The following CABLES1 variants were observed in gnomAD, a reference collection of about 807,000 sequenced individuals.
The protein encoded by CABLES1 is CDK5 and ABL1 enzyme substrate 1.
Under a neutral mutation model 57.8 loss-of-function variants are expected in CABLES1, and 36 were observed. The ratio of observed to expected loss-of-function variants is 0.62; its 90% CI spans 0.48 to 0.82. The LOEUF (loss-of-function observed/expected upper bound fraction) is 0.82. Among genes scored for constraint, CABLES1 ranks in the 40% least tolerant of loss-of-function variants. The pLI, the probability that CABLES1 is intolerant of heterozygous loss-of-function variation, is 0.00. For missense variants in CABLES1, 767 were observed against 836.6 expected, an observed-to-expected ratio of 0.92 and a Z score of 1.03; for synonymous variants, 374 against 363.0, an observed-to-expected ratio of 1.03 and a Z score of -0.35.
intron 7 of CABLES1, among the ~76,000 whole-genome samples, chr18:23,246,666 T>C (rs183262258): frequency 0.038 from 5,718 of 151,714 alleles, 154 homozygotes; most frequent in Non-Finnish European, 0.041. Context: ...GCTGGGATTA[T>C]ATGCTTGAGC....
chr18:23,181,642 G>A (rs1160977787), intron 1 of CABLES1, among the ~76,000 whole-genome samples: 2 of 151,066 alleles, frequency 1.3e-5, no homozygotes, highest in Non-Finnish European at 2.9e-5. Flanking sequence ...ATTTGTTCCT[G>A]TATTCAGCCA....
chr18:23,242,619 A>G (rs1030390049), intron 7 of CABLES1, among the ~76,000 whole-genome samples: 1 of 152,222 alleles, frequency 6.6e-6, no homozygotes, highest in Admixed American at 6.5e-5. Flanking sequence ...TAATGCCAAC[A>G]AAATTCAGTT....
chr18:23,171,273 C>T (rs1274459651), intron 1 of CABLES1, among the ~76,000 whole-genome samples: 1 of 152,240 alleles, frequency 6.6e-6, no homozygotes, highest in Non-Finnish European at 1.5e-5. Flanking sequence ...CTTAGTGTGT[C>T]TCCTCACCGG....
Position 23,243,219 on chromosome 18 carries a change from G to A in CABLES1, c.1446+5974G>A, listed in dbSNP as rs1299746935. Among the ~76,000 whole-genome samples the A allele has an allele frequency of 2.0e-5, 3 of 152,160 alleles. No individual in the cohort carries two copies. In the East Asian group the frequency reaches 5.8e-4, roughly 29 times the overall value. ...CATGGCCTCAGGTTTCAAGGTGCCTGAGGCTTATTCAGTTCTGAGGAGGGG... is the reference window on the plus strand; with the variant it reads ...CATGGCCTCAGGTTTCAAGGTGCCTAAGGCTTATTCAGTTCTGAGGAGGGG... On this transcript the variant is annotated intron_variant, in intron 7 of 9. Coordinates refer to ENST00000256925, the MANE Select transcript of CABLES1 (RefSeq NM_001100619.3).
At chr18:23,217,937 A>T (rs1416589993) in intron 4 of CABLES1, among the ~76,000 whole-genome samples, 1 of 152,212 alleles carries the variant, frequency 6.6e-6, no homozygotes, top group African/African-American at 2.4e-5. Flanking sequence ...GCAACACCGG[A>T]ATTTGGGACC....
intron 1 of CABLES1, among the ~76,000 whole-genome samples, chr18:23,139,911 G>A (rs186898700): frequency 3.3e-5 from 5 of 152,234 alleles, no homozygotes; most frequent in Admixed American, 6.5e-5. Flanking sequence ...CTGTCCCGTC[G>A]TACTGGTATA....
chr18:23,139,118 G>A (rs939154366), intron 1 of CABLES1, among the ~76,000 whole-genome samples: 1 of 152,004 alleles, frequency 6.6e-6, no homozygotes, highest in Non-Finnish European at 1.5e-5. Flanking sequence ...AGAATGTCGG[G>A]CCGGGTGTGG....
intron 1 of CABLES1, among the ~76,000 whole-genome samples, chr18:23,152,519 C>G (rs1295111823): frequency 7.4e-6 from 1 of 135,568 alleles, no homozygotes; most frequent in Admixed American, 7.9e-5. Flanking sequence ...CGGTCTCACT[C>G]TATTTCCCAG....
chr18:23,218,106 A>T (rs1421968418), intron 4 of CABLES1, among the ~76,000 whole-genome samples: 2 of 152,172 alleles, frequency 1.3e-5, no homozygotes, highest in African/African-American at 4.8e-5. Context: ...CAACTTCATC[A>T]CAAGAAAGTT....
At chr18:23,203,533 A>C (rs2047341264) in intron 3 of CABLES1, among the ~76,000 whole-genome samples, 1 of 152,158 alleles carries the variant, frequency 6.6e-6, no homozygotes, top group Non-Finnish European at 1.5e-5. Context: ...AAGATGGTAA[A>C]AGTACAGTGA....
intron 1 of CABLES1, among the ~76,000 whole-genome samples, chr18:23,148,775 T>C (rs541581581): frequency 6.6e-6 from 1 of 152,314 alleles, no homozygotes; most frequent in South Asian, 2.1e-4. Context: ...GGATGCTTGG[T>C]TTAAGACGGT....
chr18:23,196,820 G>A (rs572497392), intron 3 of CABLES1: 1 of 150,192 alleles, frequency 6.7e-6, no homozygotes, highest in South Asian at 2.1e-4. Context: ...CGCAGCCTCA[G>A]TCACATCTGT....
intron 6 of CABLES1, 80 bp from the exon 7 acceptor site, chr18:23,237,062 T>G: frequency 2.3e-6 from 2 of 852,244 alleles, no homozygotes; most frequent in South Asian, 2.7e-5. Context: ...CCAGCTATAC[T>G]TGGCATTCTC....
rs905952919 is a variant in CABLES1, at chr18:23,226,294, C to T, written c.1089-8314C>T. Among the ~76,000 whole-genome samples, 13 of 151,794 alleles carry T rather than the reference C, an allele frequency of 8.6e-5. 1 individual carries two copies. Among genetic ancestry groups the T allele is most frequent in the South Asian group, 8.3e-4 (4 of 4,804 alleles). ...GCATGTGCCCGTAGTCCCAGCTACT[C>T]GGGAGGCTGAGGCAGGAGAATTGCT... On this transcript the variant is annotated intron_variant, in intron 4 of 9. Transcript: ENST00000256925.
intron 1 of CABLES1, among the ~76,000 whole-genome samples, chr18:23,187,132 G>A (rs930277627): frequency 2.6e-5 from 4 of 152,206 alleles, no homozygotes; most frequent in Non-Finnish European, 4.4e-5. Flanking sequence ...TCCTCAGCTC[G>A]CCTCTGCACT....
At chr18:23,142,086 C>T (rs554337452) in intron 1 of CABLES1, among the ~76,000 whole-genome samples, 8 of 152,218 alleles carry the variant, frequency 5.3e-5, no homozygotes, top group East Asian at 3.9e-4. Flanking sequence ...CACCATTCCA[C>T]GTGTCTCGGT....
At chr18:23,170,402 C>T (rs1389281428) in intron 1 of CABLES1, among the ~76,000 whole-genome samples, 1 of 152,212 alleles carries the variant, frequency 6.6e-6, no homozygotes, top group Non-Finnish European at 1.5e-5. Context: ...CCATCCACAC[C>T]TGCCCTCTGG....
chr18:23,178,261 C>G (rs549075531), intron 1 of CABLES1, among the ~76,000 whole-genome samples: 2 of 152,242 alleles, frequency 1.3e-5, no homozygotes, highest in Admixed American at 6.5e-5. Context: ...CTGGTTCTAC[C>G]CTTCTGCGTA....
At position 23,236,792 on chromosome 18, in the gene CABLES1, A is replaced by G. The variant is rs16977743; in HGVS notation, c.1343-350A>G. Among the ~76,000 whole-genome samples, 784 of 152,320 alleles carry G rather than the reference A, an allele frequency of 5.1e-3. 10 individuals carry two copies. Among genetic ancestry groups the G allele is most frequent in the African/African-American group, 0.018 (732 of 41,566 alleles). ...CAGGCGTCTCCAAATTTGATCTGCA[A>G]GTTTGAAAAAGGAACCTCTTCGGGG... is the stretch of plus-strand genomic sequence containing the variant. On this transcript the variant is annotated intron_variant, in intron 6 of 9. Coordinates refer to ENST00000256925, the MANE Select transcript of CABLES1 (RefSeq NM_001100619.3).
Sources: allele counts gnomAD v4.1 joint callset (sites outside exome capture counted in the v4.1 genomes callset), GRCh38; gene constraint gnomAD v4.1.1; transcripts MANE v1.5; gene names NCBI Gene and HGNC (gene_info 2026-07-23, HGNC 2026-07-21).